Variants in LYST observed in about 807,000 individuals in gnomAD.
The protein encoded by LYST is lysosomal-trafficking regulator.
Under a neutral mutation model 413.6 loss-of-function variants are expected in LYST, and 192 were observed. That is an observed-to-expected ratio of 0.46 (90% CI 0.41 to 0.52). LYST has a LOEUF of 0.52. Among genes scored for constraint, LYST ranks in the 20% least tolerant of loss-of-function variants. The probability of loss-of-function intolerance (pLI) is 0.00; values close to 1 mark genes in which losing one functional copy is unlikely to be tolerated. For missense variants in LYST, 3,815 were observed against 4,499.9 expected, an observed-to-expected ratio of 0.85 and a Z score of 4.35; for synonymous variants, 1,525 against 1,567.3, an observed-to-expected ratio of 0.97 and a Z score of 0.64.
intron 27 of LYST, among the ~76,000 whole-genome samples, 195 bp from the exon 28 acceptor site, chr1:235,751,557 A>C (rs1230641412): frequency 6.6e-6 from 1 of 152,216 alleles, no homozygotes; most frequent in Non-Finnish European, 1.5e-5. Flanking sequence ...TGGTCACTAA[A>C]AAACCTTCAA....
chr1:235,769,135 C>G (rs1388700250), intron 20 of LYST, among the ~76,000 whole-genome samples: 1 of 151,920 alleles, frequency 6.6e-6, no homozygotes, highest in African/African-American at 2.4e-5. Context: ...GGGAAAAAGA[C>G]TAATTTATAT....
upstream of LYST, among the ~76,000 whole-genome samples, chr1:235,870,148 C>A (rs1416992218): frequency 6.6e-6 from 1 of 152,034 alleles, no homozygotes; most frequent in South Asian, 2.1e-4. Context: ...GTTCTCTGTC[C>A]CTTCTTGGGG....
intron 48 of LYST, among the ~76,000 whole-genome samples, chr1:235,680,581 T>C (rs1002245757): frequency 6.6e-6 from 1 of 151,722 alleles, no homozygotes; most frequent in Non-Finnish European, 1.5e-5. Context: ...ATATTTCTAA[T>C]AAGGACACAC....
intron 10 of LYST, among the ~76,000 whole-genome samples, chr1:235,794,140 G>A (rs1043475052): frequency 3.9e-5 from 6 of 152,206 alleles, no homozygotes; most frequent in South Asian, 2.1e-4. Context: ...GCCAGCATGA[G>A]CTCACTTTTC....
intron 45 of LYST, among the ~76,000 whole-genome samples, chr1:235,699,520 A>G (rs1373064991): frequency 1.3e-5 from 2 of 152,182 alleles, no homozygotes; most frequent in Admixed American, 6.5e-5. Context: ...GCTATAGTAA[A>G]TAGTGCTGCA....
At chr1:235,741,376 A>G (rs1665385503) in intron 31 of LYST, 46 bp downstream of exon 31, 1 of 1,432,862 alleles carries the variant, frequency 7.0e-7, no homozygotes, top group East Asian at 2.3e-5. Context: ...CAGACTTTGT[A>G]TTTCACCAAA....
At chr1:235,734,309 A>T (rs1298460607) in intron 32 of LYST, among the ~76,000 whole-genome samples, 174 bp downstream of exon 32, 2 of 152,136 alleles carry the variant, frequency 1.3e-5, no homozygotes, top group Non-Finnish European at 2.9e-5. Context: ...GCTCCTTAAA[A>T]TAAGCCTATT....
chr1:235,737,962 T>TTAAAAAACAG, intron 31 of LYST: 3 of 1,344,668 alleles, frequency 2.2e-6, no homozygotes, highest in South Asian at 1.9e-5. Flanking sequence ...CGGACGTGCA[T>TTAAAAAACAG]TCTCGATTCC....
chr1:235,664,352 G>T lies in LYST; in HGVS notation c.11195+113C>A. ...CTAAAGAACCTACACCCCAAGGTGA[G>T]TTTAAATCTCTAAATACTGAATATT... On this transcript the variant is annotated intron_variant, in intron 51 of 52. Transcript: ENST00000389793. The surrounding 1 kb of genome is among the most constrained non-coding windows in gnomAD (Gnocchi z 4.5). 9.9e-7 allele frequency: 1 copy of T among 1,011,202 alleles called. No homozygotes were observed. The highest frequency in any genetic ancestry group is 1.5e-6 in the Non-Finnish European group (1 of 667,306). 62.6% of individuals were successfully genotyped at this position (1,011,202 alleles called of 1,614,324 possible).
intron 5 of LYST, among the ~76,000 whole-genome samples, 184 bp downstream of exon 5, chr1:235,808,271 T>C (rs989268668): frequency 2.6e-5 from 4 of 152,102 alleles, no homozygotes; most frequent in South Asian, 2.1e-4. Context: ...TGTTGACAAA[T>C]TGAAATTAAA....
intron 45 of LYST, among the ~76,000 whole-genome samples, chr1:235,697,684 C>G (rs1428470091): frequency 6.6e-6 from 1 of 152,150 alleles, no homozygotes; most frequent in Non-Finnish European, 1.5e-5. Flanking sequence ...CACAGGAAAC[C>G]TCACTCAGCT....
rs143310720 is a variant in LYST, at chr1:235,862,325, T to C, written c.-98+4518A>G. Among the ~76,000 whole-genome samples the C allele has an allele frequency of 2.8e-4, 43 of 152,352 alleles. No homozygotes were observed. The East Asian group carries it at 7.5e-3, about 27-fold the overall frequency. Reference sequence around the variant, plus strand: ...ATCCGCAGATTCATTTTCCAAGGTTTCAGTTACCTGAGGTCAACTGTGGTC... The same window carrying C: ...ATCCGCAGATTCATTTTCCAAGGTTCCAGTTACCTGAGGTCAACTGTGGTC... On this transcript the variant is annotated intron_variant, in intron 1 of 52. Coordinates refer to ENST00000389793, the MANE Select transcript of LYST (RefSeq NM_000081.4).
chr1:235,780,954 A>T lies in LYST; in HGVS notation c.5125T>A (p.Ser1709Thr). ...CKYGKPVNDYSKYINKEILRC... is the reference protein window; with the variant it reads ...CKYGKPVNDYTKYINKEILRC... ...AAAATTTCTTTATTAATATATTTGG[A>T]GTAGTCATTGACTGGCTTGCCATAC... Residue 1709 changes from serine (S) to threonine (T), a missense_variant, in exon 16 of 53, where the codon TCC becomes ACC. This residue lies in a region of LYST where 530 missense variants were observed against 696.5 expected (regional missense o/e 0.76). Transcript: ENST00000389793. The T allele has an allele frequency of 6.3e-7, 1 of 1,599,508 alleles. No individual in the cohort carries two copies. Among genetic ancestry groups the T allele is most frequent in the East Asian group, 2.2e-5 (1 of 44,558 alleles).
At chr1:235,727,124 CTTTT>C (rs763736405) in intron 38 of LYST, among the ~76,000 whole-genome samples, 4 of 135,100 alleles carry the variant, frequency 3.0e-5, no homozygotes, top group Admixed American at 7.4e-5. Context: ...TTCTTTCTTT[CTTTT>C]TTTTTTTTTT....
chr1:235,720,146 G>A (rs1321206412), intron 40 of LYST, among the ~76,000 whole-genome samples: 3 of 124,802 alleles, frequency 2.4e-5, no homozygotes, highest in Non-Finnish European at 4.7e-5. Context: ...CTGCACTCCA[G>A]CCTGGTGACA....
At position 235,810,432 on chromosome 1, in the gene LYST, A is replaced by G. The variant is rs1673341287; in HGVS notation, c.386T>C (p.Leu129Pro). The G allele has an allele frequency of 6.2e-7, 1 of 1,610,112 alleles. No individual in the cohort carries two copies. The highest frequency in any genetic ancestry group is 1.3e-5 in the African/African-American group (1 of 74,598). ...QEKLHLEGSA[L>P]SSQVSAKVNV... ...TACTTTTGCAGAAACCTGACTAGAC[A>G]GGGCACTTCCTTCTAAATGTAATTT... is the stretch of plus-strand genomic sequence containing the variant. Residue 129 changes from leucine (L) to proline (P), a missense_variant, in exon 5 of 53, where the codon CTG (leucine) becomes CCG (proline). Physicochemically the swap from Leu to Pro is moderately conservative, Grantham distance 98. Around this residue, in one of 4 missense-constraint regions of LYST, gnomAD observed 1,648 missense variants for 1,810.3 expected, o/e 0.91. Coordinates refer to ENST00000389793, the MANE Select transcript of LYST (RefSeq NM_000081.4).
intron 1 of LYST, among the ~76,000 whole-genome samples, chr1:235,855,258 C>A (rs1679037082): frequency 6.6e-6 from 1 of 152,072 alleles, no homozygotes; most frequent in Non-Finnish European, 1.5e-5. Context: ...ACCACAGATA[C>A]AAGAGTTCAA....
intron 21 of LYST, 69 bp from the exon 22 acceptor site, chr1:235,762,920 A>T (rs1667736445): frequency 8.6e-7 from 1 of 1,157,074 alleles, no homozygotes; most frequent in African/African-American, 1.5e-5. Flanking sequence ...TAACTTTAAA[A>T]GCAGATCATT....
rs1439810711 is a variant in LYST at position 235,685,101 on chromosome 1, A to G, written c.10800+1848T>C. 3.9e-5 allele frequency among the ~76,000 whole-genome samples: 6 copies of G among 152,178 alleles called. No individual in the cohort carries two copies. In the East Asian group the frequency reaches 1.2e-3, roughly 29 times the overall value. On this transcript the variant is annotated intron_variant, in intron 48 of 52. Coordinates refer to ENST00000389793, the MANE Select transcript of LYST (RefSeq NM_000081.4). ...GCCTTTGATTCCAGGCTCTTGTGTA[A>G]ACTATTTCCTCTGCCTGAAATGTTC...
Sources: gnomAD v4.1 joint callset for allele counts (sites outside exome capture counted in the v4.1 genomes callset) on GRCh38, gnomAD v4.1.1 for gene constraint, gnomAD v4.1.1 regional missense constraint, Gnocchi (gnomAD v3.1) non-coding constraint, MANE v1.5 for transcripts, NCBI Gene and HGNC (gene_info 2026-07-23, HGNC 2026-07-21) for gene names.